The following GRIN2A variants were observed in gnomAD, a reference collection of about 807,000 sequenced individuals.
The protein encoded by GRIN2A is glutamate ionotropic receptor NMDA type subunit 2A, also known as glutamate receptor ionotropic, NMDA 2A.
A neutral mutation model predicts 113.4 loss-of-function variants in GRIN2A; 22 were observed. That is an observed-to-expected ratio of 0.19 (90% CI 0.14 to 0.28). GRIN2A has a LOEUF of 0.28. Ranked by LOEUF, GRIN2A falls within the 10% of genes least tolerant of loss-of-function variation. The probability of loss-of-function intolerance (pLI) is 1.00; values close to 1 mark genes in which losing one functional copy is unlikely to be tolerated. For missense variants in GRIN2A, 1,502 were observed against 1,887.0 expected (o/e 0.80, Z 3.78); for synonymous variants, 827 against 738.4 (o/e 1.12, Z -1.94).
intron 4 of GRIN2A, among the ~76,000 whole-genome samples, chr16:9,857,450 A>T (rs534902089): frequency 6.6e-6 from 1 of 152,354 alleles, no homozygotes; most frequent in East Asian, 1.9e-4. Context: ...TAACCTAAAA[A>T]GTTTATTCAA....
intron 7 of GRIN2A, among the ~76,000 whole-genome samples, chr16:9,839,521 C>T (rs1016412783): frequency 1.3e-5 from 2 of 152,124 alleles, no homozygotes; most frequent in African/African-American, 4.8e-5. Context: ...TCAGCATATA[C>T]TTTTCAGACT....
rs1472015968 is a variant in GRIN2A, at chr16:9,758,941, G to C, written c.*4208C>G. 3 of 221,502 alleles carry C rather than the reference G, an allele frequency of 1.4e-5. No individual in the cohort carries two copies. The highest frequency in any genetic ancestry group is 2.7e-5 in the Non-Finnish European group (3 of 110,698). 13.7% of individuals were successfully genotyped at this position (221,502 alleles called of 1,614,324 possible). ...GAACCCTTCACTCATTAAATATCAA[G>C]CAACACATTTAGCTTCCACCTACTC... On this transcript the variant is annotated 3_prime_UTR_variant, in exon 13 of 13. Coordinates refer to ENST00000330684, the MANE Select transcript of GRIN2A (RefSeq NM_001134407.3).
intron 12 of GRIN2A, among the ~76,000 whole-genome samples, chr16:9,765,333 T>C (rs1212289730): frequency 6.6e-6 from 1 of 152,164 alleles, no homozygotes; most frequent in Non-Finnish European, 1.5e-5. Flanking sequence ...CCCAGCATCA[T>C]CTTTGAAAGT....
chr16:9,789,942 A>C (rs140530965), intron 11 of GRIN2A, among the ~76,000 whole-genome samples: 38 of 152,364 alleles, frequency 2.5e-4, no homozygotes, highest in African/African-American at 5.5e-4. Context: ...TTGTCAAAGA[A>C]AGACATAAAC....
At chr16:9,852,773 C>T (rs761587588) in intron 4 of GRIN2A, among the ~76,000 whole-genome samples, 2 of 152,212 alleles carry the variant, frequency 1.3e-5, no homozygotes, top group Non-Finnish European at 2.9e-5. Context: ...ACATTCTTCA[C>T]TTTCCCTGCC....
chr16:10,156,208 G>C (rs917756547), intron 2 of GRIN2A, among the ~76,000 whole-genome samples: 2 of 152,216 alleles, frequency 1.3e-5, no homozygotes, highest in African/African-American at 4.8e-5. Context: ...CATGAGGTCA[G>C]CCATTTCATG....
chr16:10,137,662 CTTCTT>C (rs929376225), intron 2 of GRIN2A, among the ~76,000 whole-genome samples: 69 of 152,306 alleles, frequency 4.5e-4, no homozygotes, highest in African/African-American at 1.3e-3. Context: ...TGCCATTTTT[CTTCTT>C]TTCAATAAAA....
chr16:10,001,219 G>C (rs1437276462), intron 2 of GRIN2A, among the ~76,000 whole-genome samples: 1 of 152,142 alleles, frequency 6.6e-6, no homozygotes, highest in Non-Finnish European at 1.5e-5. Context: ...TATACAAAGA[G>C]TGTTTATCCA....
chr16:9,998,221 A>C (rs2046260062), intron 2 of GRIN2A, among the ~76,000 whole-genome samples: 1 of 152,146 alleles, frequency 6.6e-6, no homozygotes, highest in African/African-American at 2.4e-5. Flanking sequence ...ACTGCGATTG[A>C]TATTTAGTCC....
At chr16:9,951,442 T>C (rs2045176620) in intron 2 of GRIN2A, among the ~76,000 whole-genome samples, 1 of 152,178 alleles carries the variant, frequency 6.6e-6, no homozygotes, top group South Asian at 2.1e-4. Flanking sequence ...ATGGGTGCAT[T>C]TGTGTTTGTG....
intron 4 of GRIN2A, among the ~76,000 whole-genome samples, chr16:9,855,814 G>A (rs934946359): frequency 1.3e-5 from 2 of 152,182 alleles, no homozygotes; most frequent in Non-Finnish European, 2.9e-5. Context: ...GTGGCAGGAT[G>A]GTTCTGAGAA....
At chr16:9,772,922 C>CAAAA (rs71400490) in intron 11 of GRIN2A, among the ~76,000 whole-genome samples, 1,717 of 104,680 alleles carry the variant, frequency 0.016, 52 homozygotes, top group African/African-American at 0.031. Context: ...ACTTCAATTT[C>CAAAA]AAAAAAAAAA....
chr16:9,964,180 C>T (rs150653444), intron 2 of GRIN2A, among the ~76,000 whole-genome samples: 254 of 152,304 alleles, frequency 1.7e-3, no homozygotes, highest in African/African-American at 5.4e-3. Flanking sequence ...AAGGCACTGC[C>T]GCATGGACTT....
At chr16:9,939,385 C>T (rs2044802356) in intron 2 of GRIN2A, among the ~76,000 whole-genome samples, 1 of 152,082 alleles carries the variant, frequency 6.6e-6, no homozygotes, top group African/African-American at 2.4e-5. Context: ...AAGAGCTTGG[C>T]AGAAATCCAA....
chr16:9,922,040 G>C (rs561473983), intron 3 of GRIN2A, among the ~76,000 whole-genome samples: 108 of 152,144 alleles, frequency 7.1e-4, no homozygotes, highest in African/African-American at 2.2e-3. Context: ...ACATAAAAAA[G>C]AGAAATTAGA....
At chr16:10,175,229 A>G (rs2050119282) in intron 2 of GRIN2A, among the ~76,000 whole-genome samples, 2 of 152,210 alleles carry the variant, frequency 1.3e-5, no homozygotes, top group Non-Finnish European at 2.9e-5. Context: ...ATTTCTCAGA[A>G]CGTGTCCCAC....
At chr16:9,942,512 G>A (rs1192287145) in intron 2 of GRIN2A, among the ~76,000 whole-genome samples, 1 of 152,096 alleles carries the variant, frequency 6.6e-6, no homozygotes, top group African/African-American at 2.4e-5. Flanking sequence ...GGTAGAAGTG[G>A]GAGACTCATC....
Position 9,834,166 on chromosome 16 carries a change from A to G in GRIN2A, c.1716T>C (p.Ala572=). ...FVMLLIVSAI[A]VFVFEYFSPV... is the part of the protein sequence containing the mutation. Reference sequence around the variant, plus strand: ...GGCTGAAGTATTCAAAGACAAAAACAGCTATGGCAGAAACAATGAGCAGCA... The same window carrying G: ...GGCTGAAGTATTCAAAGACAAAAACGGCTATGGCAGAAACAATGAGCAGCA... The change falls in exon 8 of 13, where the codon GCT becomes GCC. Residue 572 remains alanine (A), a synonymous_variant. Coordinates refer to ENST00000330684, the MANE Select transcript of GRIN2A (RefSeq NM_001134407.3). 6.2e-7 allele frequency: 1 copy of G among 1,613,574 alleles called. No homozygotes were observed.
At chr16:10,021,020 C>G (rs1004974278) in intron 2 of GRIN2A, among the ~76,000 whole-genome samples, 5 of 152,192 alleles carry the variant, frequency 3.3e-5, no homozygotes, top group African/African-American at 1.2e-4. Context: ...TACCAAGCAG[C>G]TTCAGACTCA....
Sources: gnomAD v4.1 joint callset for allele counts (sites outside exome capture counted in the v4.1 genomes callset) on GRCh38, gnomAD v4.1.1 for gene constraint, MANE v1.5 for transcripts, NCBI Gene and HGNC (gene_info 2026-07-23, HGNC 2026-07-21) for gene names.